KANSL1L: variants seen among roughly 807,000 people sequenced by gnomAD.
KANSL1L encodes the protein KAT8 regulatory NSL complex subunit 1 like.
Under a neutral mutation model 108.6 loss-of-function variants are expected in KANSL1L, and 25 were observed. The observed-to-expected ratio is 0.23, with a 90% CI of 0.17 to 0.32. KANSL1L has a LOEUF of 0.32. KANSL1L is among the 10% of genes least tolerant of loss of function. The pLI is 1.00. For synonymous variants in KANSL1L, 405 were observed against 395.1 expected, an observed-to-expected ratio of 1.03 and a Z score of -0.30; for missense variants, 1,137 against 1,125.7, an observed-to-expected ratio of 1.01 and a Z score of -0.14.
chr2:210,117,585 G>A (rs1575563951), intron 3 of KANSL1L, among the ~76,000 whole-genome samples: 1 of 152,172 alleles, frequency 6.6e-6, no homozygotes, highest in South Asian at 2.1e-4. Context: ...AGGAGTGAGT[G>A]GCATGACATA....
At chr2:210,050,112 A>C (rs958609949) in intron 6 of KANSL1L, among the ~76,000 whole-genome samples, 7 of 152,218 alleles carry the variant, frequency 4.6e-5, no homozygotes, top group African/African-American at 1.7e-4. Context: ...AAAGAAGTTA[A>C]GCCTAGAAAG....
At chr2:210,128,867 G>C (rs558222556) in intron 3 of KANSL1L, among the ~76,000 whole-genome samples, 164 bp downstream of exon 3, 3 of 152,100 alleles carry the variant, frequency 2.0e-5, no homozygotes, top group Admixed American at 1.3e-4. Context: ...ATACAAAAAG[G>C]CATTACAAAA....
At chr2:210,069,345 A>T (rs2094490271) in intron 6 of KANSL1L, among the ~76,000 whole-genome samples, 1 of 152,228 alleles carries the variant, frequency 6.6e-6, no homozygotes, top group Non-Finnish European at 1.5e-5. Flanking sequence ...AGATAACAGC[A>T]GCTTTGTCTT....
At chr2:210,132,573 G>C (rs1381408881) in intron 2 of KANSL1L, among the ~76,000 whole-genome samples, 4 of 152,172 alleles carry the variant, frequency 2.6e-5, no homozygotes, top group Non-Finnish European at 5.9e-5. Flanking sequence ...AAAGAAATGA[G>C]TACAAGCTGT....
chr2:210,057,364 C>G (rs2094362777), intron 6 of KANSL1L, among the ~76,000 whole-genome samples: 1 of 152,138 alleles, frequency 6.6e-6, no homozygotes, highest in Non-Finnish European at 1.5e-5. Context: ...ATCGTTGACA[C>G]TGCACTCCAG....
rs2094861193 is a variant in KANSL1L at position 210,107,536 on chromosome 2, T to TA, written c.1231-3236_1231-3235insT. Among the ~76,000 whole-genome samples the TA allele has an allele frequency of 8.4e-5, 11 of 130,460 alleles. No homozygotes were observed. The South Asian group carries it at 2.2e-3, about 26-fold the overall frequency. The allele number at this position is 130,460 out of a possible 152,430, so 85.6% of individuals were successfully genotyped here. ...AAAAAAAAAATATATATATATATAT[T>TA]TTTTTTTTTTGAGACAGAGTCTTGT... On this transcript the variant is annotated intron_variant, in intron 3 of 14. Transcript: ENST00000281772.
intron 3 of KANSL1L, among the ~76,000 whole-genome samples, chr2:210,122,732 A>G (rs898665062): frequency 1.3e-5 from 2 of 152,152 alleles, no homozygotes; most frequent in South Asian, 4.1e-4. Context: ...AAAAGAAATA[A>G]TCAACAAAGT....
intron 5 of KANSL1L, among the ~76,000 whole-genome samples, chr2:210,093,315 T>C (rs1333653883): frequency 6.6e-6 from 1 of 152,152 alleles, no homozygotes; most frequent in Non-Finnish European, 1.5e-5. Flanking sequence ...CCAGCTAATT[T>C]TTGTATTTTT....
At chr2:210,143,321 C>G (rs1049448326) in intron 2 of KANSL1L, among the ~76,000 whole-genome samples, 1 of 151,720 alleles carries the variant, frequency 6.6e-6, no homozygotes, top group African/African-American at 2.4e-5. Flanking sequence ...CACTTTTAGT[C>G]TGTGTGTGTC....
chr2:210,073,349 T>G (rs2094520338), intron 6 of KANSL1L, among the ~76,000 whole-genome samples: 1 of 152,124 alleles, frequency 6.6e-6, no homozygotes, highest in South Asian at 2.1e-4. Flanking sequence ...GCTGTCCAGT[T>G]TGGTAGCAAT....
chr2:210,143,134 C>A (rs2095241860), intron 2 of KANSL1L, among the ~76,000 whole-genome samples: 1 of 152,026 alleles, frequency 6.6e-6, no homozygotes, highest in East Asian at 1.9e-4. Context: ...ATATTGGTTA[C>A]ATATGTTTAT....
intron 4 of KANSL1L, 24 bp from the exon 5 acceptor site, chr2:210,098,231 T>C: frequency 6.2e-7 from 1 of 1,601,392 alleles, no homozygotes; most frequent in Non-Finnish European, 8.5e-7. Flanking sequence ...GTCAACCTTT[T>C]ACTACTGCTA....
intron 5 of KANSL1L, among the ~76,000 whole-genome samples, chr2:210,078,921 A>C (rs185496973): frequency 8.6e-4 from 131 of 152,028 alleles, no homozygotes; most frequent in African/African-American, 3.0e-3. Flanking sequence ...CATTCTTTTA[A>C]AAAAAAATAA....
At chr2:210,063,680 C>CT (rs376343411) in intron 6 of KANSL1L, 40 of 147,130 alleles carry the variant, frequency 2.7e-4, no homozygotes, top group African/African-American at 6.2e-4. Flanking sequence ...CTGTAGCCCC[C>CT]TTTTTTTTTT....
At chr2:210,159,634 C>T (rs572938415) in intron 1 of KANSL1L, among the ~76,000 whole-genome samples, 1 of 152,166 alleles carries the variant, frequency 6.6e-6, no homozygotes, top group Non-Finnish European at 1.5e-5. Context: ...GATTTTGGTA[C>T]TCACAAGTAG....
chr2:210,110,722 A>G (rs1279012697), intron 3 of KANSL1L, among the ~76,000 whole-genome samples: 2 of 152,194 alleles, frequency 1.3e-5, no homozygotes, highest in Non-Finnish European at 2.9e-5. Context: ...GGAAGAGAAA[A>G]AAATTGACAA....
chr2:210,170,806 C>A (rs1426581233), intron 1 of KANSL1L, among the ~76,000 whole-genome samples: 14 of 152,180 alleles, frequency 9.2e-5, no homozygotes, highest in Admixed American at 1.3e-4. Context: ...CTTCTGCGCA[C>A]GCGCCAGCCA....
At chr2:210,082,816 G>T (rs1418003551) in intron 5 of KANSL1L, among the ~76,000 whole-genome samples, 1 of 152,134 alleles carries the variant, frequency 6.6e-6, no homozygotes, top group Non-Finnish European at 1.5e-5. Flanking sequence ...AAACTCTGAA[G>T]AAAATTAGAA....
chr2:210,095,792 A>G (rs1299298167), intron 5 of KANSL1L, among the ~76,000 whole-genome samples: 1 of 152,166 alleles, frequency 6.6e-6, no homozygotes, highest in East Asian at 1.9e-4. Flanking sequence ...TCTCTTTGAT[A>G]AAAAGTAGAG....
Sources: gnomAD v4.1 joint callset for allele counts (sites outside exome capture counted in the v4.1 genomes callset) on GRCh38, gnomAD v4.1.1 for gene constraint, MANE v1.5 for transcripts, NCBI Gene and HGNC (gene_info 2026-07-23, HGNC 2026-07-21) for gene names.